Variants in CRTC1 observed in about 807,000 individuals in gnomAD.
CRTC1 encodes the protein CREB regulated transcription coactivator 1.
A neutral mutation model predicts 66.1 loss-of-function variants in CRTC1; 18 were observed. The ratio of observed to expected loss-of-function variants is 0.27; its 90% CI spans 0.19 to 0.40. The LOEUF (loss-of-function observed/expected upper bound fraction) is 0.40. Ranked by LOEUF, CRTC1 falls within the 10% of genes least tolerant of loss-of-function variation. CRTC1 has a pLI of 1.00. For missense variants in CRTC1, 669 were observed against 887.9 expected, an observed-to-expected ratio of 0.75 and a Z score of 3.13; for synonymous variants, 416 against 398.8, an observed-to-expected ratio of 1.04 and a Z score of -0.51.
intron 1 of CRTC1, among the ~76,000 whole-genome samples, chr19:18,736,804 C>T (rs917625633): frequency 6.6e-6 from 1 of 152,138 alleles, no homozygotes; most frequent in African/African-American, 2.4e-5. Context: ...TTTGCAGGGC[C>T]GAGCTCAGCC....
At chr19:18,748,076 C>T (rs938408118) in intron 4 of CRTC1, among the ~76,000 whole-genome samples, 1 of 151,926 alleles carries the variant, frequency 6.6e-6, no homozygotes, top group Non-Finnish European at 1.5e-5. Flanking sequence ...GACCCTGTCT[C>T]CAAGGCCTAA....
chr19:18,773,673 T>C (rs1316509242), intron 11 of CRTC1, among the ~76,000 whole-genome samples: 2 of 152,198 alleles, frequency 1.3e-5, no homozygotes, highest in Admixed American at 1.3e-4. Context: ...AAGCCGTTGA[T>C]TTTTAGGGCC....
chr19:18,687,566 A>G (rs2052714136), intron 1 of CRTC1, among the ~76,000 whole-genome samples: 1 of 152,136 alleles, frequency 6.6e-6, no homozygotes. Context: ...TCCCTCCTGC[A>G]GCCATGGCGC....
chr19:18,700,507 T>A (rs79283111), intron 1 of CRTC1, among the ~76,000 whole-genome samples: 22 of 151,834 alleles, frequency 1.4e-4, no homozygotes, highest in South Asian at 6.2e-4. Context: ...TTTTTTTTTT[T>A]AAATAAAAAA....
chr19:18,747,129 A>ACCCCCCCCC lies in CRTC1; in HGVS notation c.443+17_443+25dup, dbSNP rs56040769. ...AGCTGGAGAAGGTCAGTGGCTGGAC[A>ACCCCCCCCC]CCCCCCCCCCGCCCCCTTCTTGTTG... On this transcript the variant is annotated intron_variant, in intron 4 of 13. Coordinates refer to ENST00000321949, the MANE Select transcript of CRTC1 (RefSeq NM_015321.3). 2.0e-4 allele frequency: 225 copies of ACCCCCCCCC among 1,109,826 alleles called. No homozygotes were observed. The highest frequency in any genetic ancestry group is 6.9e-4 in the African/African-American group (32 of 46,346). 68.7% of individuals were successfully genotyped at this position (1,109,826 alleles called of 1,614,324 possible).
rs1256786878 is a variant in CRTC1, at chr19:18,743,089, G to T, written c.243+63G>T. ...GAGCTTCCCCCAGCCTCCCACTGGGGGCCAGACATTGAGGACAGCTGGGGT... is the reference window on the plus strand; with the variant it reads ...GAGCTTCCCCCAGCCTCCCACTGGGTGCCAGACATTGAGGACAGCTGGGGT... On this transcript the variant is annotated intron_variant, in intron 2 of 13. Coordinates refer to ENST00000321949, the MANE Select transcript of CRTC1 (RefSeq NM_015321.3). 3.9e-6 allele frequency: 5 copies of T among 1,289,870 alleles called. No homozygotes were observed. In the Admixed American group the frequency reaches 8.4e-5, roughly 22 times the overall value. 79.9% of individuals were successfully genotyped at this position (1,289,870 alleles called of 1,614,324 possible). A position where few individuals can be genotyped will look rare whatever the true frequency, so the allele number is the denominator to read the frequency against.
At chr19:18,708,260 A>G (rs2053309814) in intron 1 of CRTC1, among the ~76,000 whole-genome samples, 1 of 152,168 alleles carries the variant, frequency 6.6e-6, no homozygotes, top group South Asian at 2.1e-4. Context: ...TCCCACAGCC[A>G]GCTATGGGGT....
intron 1 of CRTC1, among the ~76,000 whole-genome samples, chr19:18,711,721 G>A (rs1242717929): frequency 1.3e-5 from 2 of 152,058 alleles, no homozygotes; most frequent in Non-Finnish European, 2.9e-5. Context: ...GCGTTGGGAG[G>A]GGGTGTGTGA....
chr19:18,694,925 C>T (rs2052948484), intron 1 of CRTC1, among the ~76,000 whole-genome samples: 1 of 151,160 alleles, frequency 6.6e-6, no homozygotes, highest in South Asian at 2.1e-4. Flanking sequence ...GGGAGTCTTG[C>T]TCCTATAAGA....
intron 1 of CRTC1, among the ~76,000 whole-genome samples, chr19:18,732,825 T>C (rs2053919946): frequency 6.6e-6 from 1 of 152,082 alleles, no homozygotes; most frequent in South Asian, 2.1e-4. Context: ...GTGTGGTGGC[T>C]CACACCTGTA....
At chr19:18,751,871 A>G (rs1297921835) in intron 5 of CRTC1, among the ~76,000 whole-genome samples, 1 of 152,106 alleles carries the variant, frequency 6.6e-6, no homozygotes, top group Admixed American at 6.6e-5. Flanking sequence ...CAGAACATGC[A>G]AGCTAGGGCC....
At chr19:18,704,746 C>T (rs897767770) in intron 1 of CRTC1, among the ~76,000 whole-genome samples, 4 of 152,130 alleles carry the variant, frequency 2.6e-5, no homozygotes, top group Admixed American at 6.6e-5. Context: ...ATACACATAA[C>T]GTGTAAGTTA....
intron 1 of CRTC1, among the ~76,000 whole-genome samples, chr19:18,689,583 A>ATATGTATG (rs74217964): frequency 1.1e-4 from 7 of 65,730 alleles, no homozygotes; most frequent in South Asian, 6.3e-4. Flanking sequence ...ATATATATAT[A>ATATGTATG]TATGTAATAT....
At chr19:18,700,752 C>T (rs1213332166) in intron 1 of CRTC1, among the ~76,000 whole-genome samples, 14 of 152,262 alleles carry the variant, frequency 9.2e-5, no homozygotes, top group South Asian at 2.1e-4. Flanking sequence ...GCTGGGGACA[C>T]GGGGAGGCCG....
At position 18,777,550 on chromosome 19, in the gene CRTC1, C is replaced by A; in HGVS notation, c.*168C>A. On this transcript the variant is annotated 3_prime_UTR_variant, in exon 14 of 14. Transcript: ENST00000321949. This position sits in a 1 kb window ranked among gnomAD's most constrained non-coding sequence, Gnocchi z 5.5. ...CCGGTTGTCCACCTCCCGCGAAGCC[C>A]AATCGCGAGGCCGCGAGCCGGGCCG... 1.6e-6 allele frequency: 1 copy of A among 640,522 alleles called. No homozygotes were observed. The highest frequency in any genetic ancestry group is 2.6e-6 in the Non-Finnish European group (1 of 380,224). The allele number at this position is 640,522 out of a possible 1,614,324, so 39.7% of individuals were successfully genotyped here. A position where few individuals can be genotyped will look rare whatever the true frequency, so the allele number is the denominator to read the frequency against.
rs1367642466 is a variant in CRTC1, at chr19:18,771,984, C to T, written c.1425+438C>T. On this transcript the variant is annotated intron_variant, in intron 11 of 13. Coordinates refer to ENST00000321949, the MANE Select transcript of CRTC1 (RefSeq NM_015321.3). The surrounding 1 kb of genome is among the most constrained non-coding windows in gnomAD (Gnocchi z 4.6). ...GCGCTGACTCTGCAGCCCTGCTTTC[C>T]CCTTCACCCCATAGGCAGCTGTGTT... is the stretch of plus-strand genomic sequence containing the variant. Among the ~76,000 whole-genome samples, 3 of 152,172 alleles carry T rather than the reference C, an allele frequency of 2.0e-5. No homozygotes were observed. Among genetic ancestry groups the T allele is most frequent in the African/African-American group, 4.8e-5 (2 of 41,450 alleles).
Position 18,781,128 on chromosome 19 carries a change from A to G in CRTC1, c.*3746A>G, listed in dbSNP as rs1200224200. 8.8e-6 allele frequency: 2 copies of G among 227,232 alleles called. No homozygotes were observed. The highest frequency in any genetic ancestry group is 1.3e-4 in the East Asian group (2 of 15,950). The allele number at this position is 227,232 out of a possible 1,614,324, so 14.1% of individuals were successfully genotyped here. ...GAGGGGCCCTCTGTGTGGGGGTGGG[A>G]CGCAGGGGCTCTCAGAGCAAGGGCC... On this transcript the variant is annotated 3_prime_UTR_variant, in exon 14 of 14. Transcript: ENST00000321949.
At chr19:18,759,788 A>G (rs1402706807) in intron 7 of CRTC1, among the ~76,000 whole-genome samples, 197 bp downstream of exon 7, 1 of 152,008 alleles carries the variant, frequency 6.6e-6, no homozygotes, top group Non-Finnish European at 1.5e-5. Flanking sequence ...TCCTGGGTTC[A>G]GGGAGGTTGC....
rs1050315447 is a variant in CRTC1 at position 18,777,990 on chromosome 19, G to A, written c.*608G>A. 1.7e-5 allele frequency: 4 copies of A among 238,570 alleles called. No homozygotes were observed. The highest frequency in any genetic ancestry group is 6.0e-5 in the East Asian group (1 of 16,570). 14.8% of individuals were successfully genotyped at this position (238,570 alleles called of 1,614,324 possible). On this transcript the variant is annotated 3_prime_UTR_variant, in exon 14 of 14. Coordinates refer to ENST00000321949, the MANE Select transcript of CRTC1 (RefSeq NM_015321.3). This position sits in a 1 kb window ranked among gnomAD's most constrained non-coding sequence, Gnocchi z 5.5. The stretch of plus-strand genomic sequence containing the variant: ...TTCTGAGCACACACAGAGCCCTGGC[G>A]TCCACCGGGGCAGGCGCAAAGTGGA...
Sources: gnomAD v4.1 joint callset for allele counts (sites outside exome capture counted in the v4.1 genomes callset) on GRCh38, gnomAD v4.1.1 for gene constraint, Gnocchi (gnomAD v3.1) non-coding constraint, MANE v1.5 for transcripts, NCBI Gene and HGNC (gene_info 2026-07-23, HGNC 2026-07-21) for gene names.